The following MYO6 variants were observed in gnomAD, a reference collection of about 807,000 sequenced individuals.
MYO6 encodes the protein unconventional myosin-VI.
Under a neutral mutation model 178.7 loss-of-function variants are expected in MYO6, and 74 were observed. That is an observed-to-expected ratio of 0.41 (90% CI 0.34 to 0.50). The LOEUF (loss-of-function observed/expected upper bound fraction) is 0.50, where lower values mean the gene tolerates loss of function less well. Ranked by LOEUF, MYO6 falls within the 20% of genes least tolerant of loss-of-function variation. MYO6 has a pLI of 0.09. For synonymous variants in MYO6, 477 were observed against 504.6 expected, an observed-to-expected ratio of 0.95 and a Z score of 0.73; for missense variants, 1,330 against 1,547.4, an observed-to-expected ratio of 0.86 and a Z score of 2.36.
At chr6:75,828,442 T>C in intron 3 of MYO6, 98 bp from the exon 4 acceptor site, 1 of 777,284 alleles carries the variant, frequency 1.3e-6, no homozygotes. Context: ...TAACAATTGA[T>C]TTTTAGGATG....
intron 1 of MYO6, among the ~76,000 whole-genome samples, chr6:75,804,928 CACATATAT>C (rs1769866666): frequency 2.1e-5 from 3 of 144,608 alleles, no homozygotes; most frequent in African/African-American, 7.7e-5. Flanking sequence ...ATAATATATA[CACATATAT>C]ACATATATAC....
intron 29 of MYO6, among the ~76,000 whole-genome samples, chr6:75,895,508 A>G (rs896844472): frequency 6.7e-6 from 1 of 150,372 alleles, no homozygotes; most frequent in Non-Finnish European, 1.5e-5. Flanking sequence ...TGTTTTATGT[A>G]TATATATGAA....
At position 75,821,640 on chromosome 6, in the gene MYO6, A is replaced by C. The variant is rs79961641; in HGVS notation, c.118-1142A>C. 6.6e-3 allele frequency among the ~76,000 whole-genome samples: 720 copies of C among 109,318 alleles called. 6 individuals carry two copies. The highest frequency in any genetic ancestry group is 0.059 in the South Asian group (208 of 3,534). The allele number at this position is 109,318 out of a possible 152,430, so 71.7% of individuals were successfully genotyped here. On this transcript the variant is annotated intron_variant, in intron 2 of 34. Transcript: ENST00000369977. ...TTGTAGCTTTACACACACACACACAAACACACACACACACACCCCTATAAA... is the reference window on the plus strand; with the variant it reads ...TTGTAGCTTTACACACACACACACACACACACACACACACACCCCTATAAA...
intron 3 of MYO6, among the ~76,000 whole-genome samples, chr6:75,823,738 G>A (rs1490082584): frequency 6.6e-6 from 1 of 152,194 alleles, no homozygotes; most frequent in Non-Finnish European, 1.5e-5. Flanking sequence ...GTAGAGTTAG[G>A]CAAGCCTAAA....
At chr6:75,802,060 C>T (rs1562178707) in intron 1 of MYO6, among the ~76,000 whole-genome samples, 1 of 152,072 alleles carries the variant, frequency 6.6e-6, no homozygotes, top group Non-Finnish European at 1.5e-5. Flanking sequence ...TGAAAAATTT[C>T]AGTGAAAATT....
chr6:75,775,478 C>G (rs765206104), intron 1 of MYO6, among the ~76,000 whole-genome samples: 1 of 152,320 alleles, frequency 6.6e-6, no homozygotes, highest in Admixed American at 6.5e-5. Flanking sequence ...AGGTTCCAGG[C>G]CTCCCTTGGC....
At chr6:75,844,709 G>A (rs1231576301) in intron 9 of MYO6, among the ~76,000 whole-genome samples, 188 bp from the exon 10 acceptor site, 1 of 151,692 alleles carries the variant, frequency 6.6e-6, no homozygotes, top group African/African-American at 2.4e-5. Context: ...TAATATTCCT[G>A]GTTTTATTAG....
rs906089940 is a variant in MYO6, at chr6:75,775,041, G to A, written c.-48+25618G>A. Among the ~76,000 whole-genome samples, 8 of 152,198 alleles carry A rather than the reference G, an allele frequency of 5.3e-5. No individual in the cohort carries two copies. In the South Asian group the frequency reaches 1.5e-3, roughly 28 times the overall value. On this transcript the variant is annotated intron_variant, in intron 1 of 34. Transcript: ENST00000369977. ...ACTCCTGACCTCAGGTGATCTGCCC[G>A]CCTCAGCCTCCCAAAGTGTTGGGAT...
intron 1 of MYO6, among the ~76,000 whole-genome samples, chr6:75,769,786 G>C (rs1213328123): frequency 6.6e-6 from 1 of 152,210 alleles, no homozygotes; most frequent in South Asian, 2.1e-4. Flanking sequence ...TGTAATCCCA[G>C]CTACTTGGGA....
At chr6:75,750,286 G>T (rs1218283034) in intron 1 of MYO6, among the ~76,000 whole-genome samples, 3 of 151,842 alleles carry the variant, frequency 2.0e-5, no homozygotes, top group Non-Finnish European at 2.9e-5. Flanking sequence ...TAGTAGAGAC[G>T]GGGTTTCACC....
Position 75,873,284 on chromosome 6 carries a change from T to A in MYO6, c.2061T>A (p.Ser687=). The change falls in exon 20 of 35, where the codon TCT becomes TCA. Residue 687 remains serine (S), a synonymous_variant. Coordinates refer to ENST00000369977, the MANE Select transcript of MYO6 (RefSeq NM_004999.4). Reference sequence around the variant, plus strand: ...ACTTTGAAGGTGCTCAAATTCTGTCTCAGCTTCAGTGTTCAGGTATTTTCA... The same window carrying A: ...ACTTTGAAGGTGCTCAAATTCTGTCACAGCTTCAGTGTTCAGGTATTTTCA... ...SHHFEGAQIL[S]QLQCSGMVSV... 6 of 1,612,992 alleles carry A rather than the reference T, an allele frequency of 3.7e-6. No homozygotes were observed. Among genetic ancestry groups the A allele is most frequent in the Non-Finnish European group, 5.1e-6 (6 of 1,178,960 alleles).
intron 14 of MYO6, among the ~76,000 whole-genome samples, chr6:75,859,847 A>G (rs2004170): frequency 0.34 from 51,442 of 151,750 alleles, 9,613 homozygotes; most frequent in Admixed American, 0.48. Flanking sequence ...TTTAGTAGAG[A>G]TGGGGTTTCA....
chr6:75,853,467 T>G (rs1775458857), intron 11 of MYO6, among the ~76,000 whole-genome samples: 1 of 152,206 alleles, frequency 6.6e-6, no homozygotes, highest in African/African-American at 2.4e-5. Context: ...TAGCTTTAGC[T>G]CTTACATTTA....
rs1047768734 is a variant in MYO6 at position 75,866,841 on chromosome 6, T to C, written c.1771-91T>C. The C allele has an allele frequency of 8.7e-5, 120 of 1,386,710 alleles. No individual in the cohort carries two copies. The African/African-American group carries it at 1.7e-3, about 19-fold the overall frequency. The allele number at this position is 1,386,710 out of a possible 1,614,324, so 85.9% of individuals were successfully genotyped here. A position where few individuals can be genotyped will look rare whatever the true frequency, so the allele number is the denominator to read the frequency against. The stretch of plus-strand genomic sequence containing the variant: ...GGACAGTGCAGATACAGAACATTTC[T>C]GTCATCACAGAAAGTTCCTTTGGAC... On this transcript the variant is annotated intron_variant, in intron 17 of 34. Transcript: ENST00000369977.
At chr6:75,901,140 T>A (rs1216359025) in intron 30 of MYO6, among the ~76,000 whole-genome samples, 1 of 152,158 alleles carries the variant, frequency 6.6e-6, no homozygotes, top group African/African-American at 2.4e-5. Context: ...ACTGTAGCCT[T>A]GTAGTATAGT....
At chr6:75,843,635 C>G (rs1359808119) in intron 9 of MYO6, among the ~76,000 whole-genome samples, 2 of 152,048 alleles carry the variant, frequency 1.3e-5, no homozygotes, top group African/African-American at 2.4e-5. Flanking sequence ...TATTTTGGCT[C>G]TACATGTTTA....
chr6:75,796,512 G>A (rs970903665), intron 1 of MYO6, among the ~76,000 whole-genome samples: 4 of 152,068 alleles, frequency 2.6e-5, no homozygotes, highest in African/African-American at 9.7e-5. Context: ...CTGAGGTTTA[G>A]GGTATAGATG....
chr6:75,840,255 G>A (rs951376950), intron 7 of MYO6, among the ~76,000 whole-genome samples: 1 of 149,252 alleles, frequency 6.7e-6, no homozygotes, highest in Non-Finnish European at 1.5e-5. Context: ...TCCGCCTCCC[G>A]GGTTCAAGTA....
intron 17 of MYO6, 54 bp downstream of exon 17, chr6:75,866,675 C>A: frequency 7.2e-7 from 1 of 1,393,300 alleles, no homozygotes; most frequent in Non-Finnish European, 1.0e-6. Context: ...CTGCACTGTA[C>A]AGTATGATAG....
Sources: gnomAD v4.1 joint callset for allele counts (sites outside exome capture counted in the v4.1 genomes callset) on GRCh38, gnomAD v4.1.1 for gene constraint, MANE v1.5 for transcripts, NCBI Gene and HGNC (gene_info 2026-07-23, HGNC 2026-07-21) for gene names.